Variants in FUBP1 observed in about 807,000 individuals in gnomAD.
The protein encoded by FUBP1 is far upstream element binding protein 1.
A neutral mutation model predicts 94.9 loss-of-function variants in FUBP1; 16 were observed. That is an observed-to-expected ratio of 0.17 (90% CI 0.11 to 0.26). The LOEUF (loss-of-function observed/expected upper bound fraction) is 0.26, where lower values mean the gene tolerates loss of function less well. FUBP1 is among the 10% of genes least tolerant of loss of function. The probability of loss-of-function intolerance (pLI) is 1.00; values close to 1 mark genes in which losing one functional copy is unlikely to be tolerated. For synonymous variants in FUBP1, 279 were observed against 254.9 expected, an observed-to-expected ratio of 1.09 and a Z score of -0.90; for missense variants, 583 against 808.6, an observed-to-expected ratio of 0.72 and a Z score of 3.38.
At chr1:77,971,951 G>C (rs1407492329) in intron 1 of FUBP1, among the ~76,000 whole-genome samples, 1 of 146,076 alleles carries the variant, frequency 6.8e-6, no homozygotes, top group Non-Finnish European at 1.5e-5. Context: ...GTTACGGTGA[G>C]CCAAGATCAC....
chr1:77,951,260 T>C (rs74942344), intron 18 of FUBP1, among the ~76,000 whole-genome samples: 2,384 of 152,338 alleles, frequency 0.016, 34 homozygotes, highest in Non-Finnish European at 0.02. Context: ...AGAAAATTCA[T>C]TGATGTTCCC....
chr1:77,949,578 G>GA lies in FUBP1; in HGVS notation c.1781-279dup, dbSNP rs905349694. Among the ~76,000 whole-genome samples, 364 of 144,736 alleles carry GA rather than the reference G, an allele frequency of 2.5e-3. 3 individuals carry two copies. Among genetic ancestry groups the GA allele is most frequent in the African/African-American group, 8.1e-3 (321 of 39,556 alleles). The allele number at this position is 144,736 out of a possible 152,430, so 95.0% of individuals were successfully genotyped here. A position where few individuals can be genotyped will look rare whatever the true frequency, so the allele number is the denominator to read the frequency against. On this transcript the variant is annotated intron_variant, in intron 18 of 19. Coordinates refer to ENST00000370768, the MANE Select transcript of FUBP1 (RefSeq NM_003902.5). ...GTGTCAGGAAACTACTCTGCAATTA[G>GA]AAAAAAAAAAAGAACGCTCTTTTCT...
At chr1:77,967,145 C>A (rs933901504) in intron 4 of FUBP1, 44 bp from the exon 5 acceptor site, 1 of 1,218,628 alleles carries the variant, frequency 8.2e-7, no homozygotes, top group Non-Finnish European at 1.2e-6. Context: ...ATGAAAGATA[C>A]TTTGTTTACA....
At position 77,963,757 on chromosome 1, in the gene FUBP1, A is replaced by T. The variant is rs773515818; in HGVS notation, c.1042-42T>A. Reference sequence around the variant, plus strand: ...ACAAGAACGAAGAGTCAGCACAGAAATACTTTTGTTTCATGATAAAATTAT... The same window carrying T: ...ACAAGAACGAAGAGTCAGCACAGAATTACTTTTGTTTCATGATAAAATTAT... On this transcript the variant is annotated intron_variant, in intron 12 of 19. Coordinates refer to ENST00000370768, the MANE Select transcript of FUBP1 (RefSeq NM_003902.5). 4 of 1,526,390 alleles carry T rather than the reference A, an allele frequency of 2.6e-6. No individual in the cohort carries two copies. In the African/African-American group the frequency reaches 5.6e-5, roughly 21 times the overall value. 94.6% of individuals were successfully genotyped at this position (1,526,390 alleles called of 1,614,324 possible). A position where few individuals can be genotyped will look rare whatever the true frequency, so the allele number is the denominator to read the frequency against.
intron 18 of FUBP1, among the ~76,000 whole-genome samples, chr1:77,950,163 T>C (rs138229197): frequency 3.1e-4 from 47 of 152,266 alleles, no homozygotes; most frequent in Non-Finnish European, 6.0e-4. Context: ...GTGATAATAT[T>C]GAGGGTATTT....
At position 77,947,273 on chromosome 1, in the gene FUBP1, TA is replaced by T; in HGVS notation, c.*1492del. 1.4e-4 allele frequency: 43 copies of T among 299,252 alleles called. No individual in the cohort carries two copies. The highest frequency in any genetic ancestry group is 4.0e-4 in the South Asian group (8 of 20,014). 18.5% of individuals were successfully genotyped at this position (299,252 alleles called of 1,614,324 possible). A position where few individuals can be genotyped will look rare whatever the true frequency, so the allele number is the denominator to read the frequency against. On this transcript the variant is annotated 3_prime_UTR_variant, in exon 20 of 20. Transcript: ENST00000370768. Reference sequence around the variant, plus strand: ...AAATACTTACCCATTAAGCTCACTTTAAAAAAAATACAGAACTATGTATTAT... The same window carrying T: ...AAATACTTACCCATTAAGCTCACTTTAAAAAAATACAGAACTATGTATTAT...
chr1:77,978,058 T>C (rs540889635), intron 1 of FUBP1, among the ~76,000 whole-genome samples: 1 of 152,392 alleles, frequency 6.6e-6, no homozygotes, highest in African/African-American at 2.4e-5. Context: ...CATGCAAATC[T>C]ATACCAACAC....
intron 18 of FUBP1, among the ~76,000 whole-genome samples, chr1:77,952,307 T>C (rs570820196): frequency 2.7e-5 from 4 of 150,690 alleles, no homozygotes; most frequent in East Asian, 3.9e-4. Context: ...CTTGGGAACT[T>C]AGAATTGTTT....
chr1:77,960,304 G>C (rs201588472), intron 15 of FUBP1, 40 bp downstream of exon 15: 9 of 1,611,864 alleles, frequency 5.6e-6, no homozygotes, highest in South Asian at 4.4e-5. Context: ...CCCAAAACTA[G>C]AATCTTTGGG....
chr1:77,949,435 C>CA (rs201574163), intron 18 of FUBP1, 135 bp from the exon 19 acceptor site: 17,597 of 478,550 alleles, frequency 0.037, 2 homozygotes, highest in Non-Finnish European at 0.042. Flanking sequence ...CCTTGTTGAC[C>CA]AAAAAAAAAA....
chr1:77,967,082 C>A lies in FUBP1; in HGVS notation c.310G>T (p.Glu104Ter), dbSNP rs1656648817. The change falls in exon 5 of 20, where the codon GAA becomes TAA. Residue 104 changes from glutamate to a stop codon, truncating the protein, a stop_gained. Transcript: ENST00000370768. LOFTEE classifies it high-confidence loss of function. ...QQQSRSVMTEEYKVPDGMVGF... is the reference protein window; with the variant it reads ...QQQSRSVMTE ...ACCATTCCATCTGGAACTTTGTATTCTTCTGTCATTACAGATCTGCTAAGA... is the reference window on the plus strand; with the variant it reads ...ACCATTCCATCTGGAACTTTGTATTATTCTGTCATTACAGATCTGCTAAGA... 6.3e-7 allele frequency: 1 copy of A among 1,586,530 alleles called. No homozygotes were observed. Among genetic ancestry groups the A allele is most frequent in the East Asian group, 2.2e-5 (1 of 44,674 alleles).
intron 16 of FUBP1, among the ~76,000 whole-genome samples, chr1:77,959,337 T>C (rs112230236): frequency 0.024 from 3,643 of 152,140 alleles, 47 homozygotes; most frequent in Middle Eastern, 0.065. Flanking sequence ...TATAATAGGA[T>C]AAAAATAAAT....
At chr1:77,949,764 AC>A (rs1653007847) in intron 18 of FUBP1, among the ~76,000 whole-genome samples, 1 of 152,200 alleles carries the variant, frequency 6.6e-6, no homozygotes, top group Non-Finnish European at 1.5e-5. Flanking sequence ...TTTTTGAAAA[AC>A]TTTAAGCCCA....
chr1:77,965,186 T>C lies in FUBP1; in HGVS notation c.519A>G (p.Pro173=), dbSNP rs1557452482. The C allele has an allele frequency of 1.2e-6, 2 of 1,610,848 alleles. No individual in the cohort carries two copies. Among genetic ancestry groups the C allele is most frequent in the Non-Finnish European group, 1.7e-6 (2 of 1,177,230 alleles). ...CATCGCCATGATGGAAGCCAGGAGC[T>C]GGTCTTCCTTTTTCAACAATCTGGT... ...LLDQIVEKGR[P]APGFHHGDGP... is the part of the protein sequence containing the mutation. The change falls in exon 8 of 20, where the codon CCA becomes CCG. Residue 173 remains proline, a synonymous_variant. Coordinates refer to ENST00000370768, the MANE Select transcript of FUBP1 (RefSeq NM_003902.5).
chr1:77,972,978 G>C (rs1424901399), intron 1 of FUBP1, among the ~76,000 whole-genome samples: 1 of 148,652 alleles, frequency 6.7e-6, no homozygotes, highest in East Asian at 2.0e-4. Flanking sequence ...CTGAGGCCAG[G>C]AGTTCAACGC....
intron 18 of FUBP1, among the ~76,000 whole-genome samples, chr1:77,954,120 G>A (rs1181028987): frequency 1.3e-5 from 2 of 152,096 alleles, no homozygotes; most frequent in Non-Finnish European, 2.9e-5. Context: ...GCCACCGCAC[G>A]TGGCTCATGC....
At chr1:77,968,598 C>T (rs569730439) in intron 2 of FUBP1, among the ~76,000 whole-genome samples, 1 of 151,032 alleles carries the variant, frequency 6.6e-6, no homozygotes, top group Admixed American at 6.6e-5. Context: ...CTACAAAAAT[C>T]TGACATATTA....
In FUBP1 at chr1:77,978,044, C is replaced by A. The variant is rs528499825; in HGVS notation, c.120+841G>T. ...TGTCACAGAGAATAGGATTCTTTTGCTTACATGCAAATCTATACCAACACC... is the reference window on the plus strand; with the variant it reads ...TGTCACAGAGAATAGGATTCTTTTGATTACATGCAAATCTATACCAACACC... On this transcript the variant is annotated intron_variant, in intron 1 of 19. Transcript: ENST00000370768. Among the ~76,000 whole-genome samples the A allele has an allele frequency of 2.0e-5, 3 of 152,304 alleles. No homozygotes were observed. In the East Asian group the frequency reaches 5.8e-4, roughly 29 times the overall value.
intron 4 of FUBP1, 111 bp from the exon 5 acceptor site, chr1:77,967,212 C>A (rs772668792): frequency 3.1e-5 from 21 of 678,402 alleles, no homozygotes; most frequent in Non-Finnish European, 4.5e-5. Context: ...ATGGCTTAAA[C>A]TAAGGTTCTA....
Sources: allele counts gnomAD v4.1 joint callset (sites outside exome capture counted in the v4.1 genomes callset), GRCh38; gene constraint gnomAD v4.1.1; transcripts MANE v1.5; gene names NCBI Gene and HGNC (gene_info 2026-07-23, HGNC 2026-07-21).